The following IL1RAPL2 variants were observed in gnomAD, a reference collection of about 807,000 sequenced individuals.
IL1RAPL2 encodes the protein X-linked interleukin-1 receptor accessory protein-like 2.
IL1RAPL2 carries 3 observed loss-of-function variants against 44.1 expected under a neutral mutation model. That is an observed-to-expected ratio of 0.07 (90% CI 0.03 to 0.18). The LOEUF (loss-of-function observed/expected upper bound fraction) is 0.18, where lower values mean the gene tolerates loss of function less well. IL1RAPL2 is among the 10% of genes least tolerant of loss of function. The probability of loss-of-function intolerance (pLI) is 1.00; values close to 1 mark genes in which losing one functional copy is unlikely to be tolerated. For synonymous variants in IL1RAPL2, 181 were observed against 178.8 expected, an observed-to-expected ratio of 1.01 and a Z score of -0.10; for missense variants, 391 against 496.4, an observed-to-expected ratio of 0.79 and a Z score of 2.02.
intron 2 of IL1RAPL2, among the ~76,000 whole-genome samples, chrX:105,097,401 A>G (rs2032620102): frequency 1.8e-5 from 2 of 108,356 alleles, no homozygotes; most frequent in Non-Finnish European, 3.8e-5. Flanking sequence ...AAGCTAATTC[A>G]GACTGTGTGA....
chrX:105,275,596 G>C (rs189678755), intron 5 of IL1RAPL2, among the ~76,000 whole-genome samples: 1 of 111,858 alleles, frequency 8.9e-6, no homozygotes, highest in Non-Finnish European at 1.9e-5. Context: ...TTGGCTGAGT[G>C]CTTATTTGAT....
intron 3 of IL1RAPL2, among the ~76,000 whole-genome samples, chrX:105,218,073 T>C (rs2033883937): frequency 9.0e-6 from 1 of 110,681 alleles, no homozygotes; most frequent in Non-Finnish European, 1.9e-5. Context: ...GTAACAAACC[T>C]ACACGTTCTG....
At chrX:105,524,041 G>A (rs905706769) in intron 6 of IL1RAPL2, among the ~76,000 whole-genome samples, 3 of 111,678 alleles carry the variant, frequency 2.7e-5, no homozygotes, top group African/African-American at 9.7e-5. Context: ...GAACAGATTT[G>A]TATCTTGCTT....
chrX:105,267,566 C>T (rs763745652), intron 5 of IL1RAPL2, 25 bp downstream of exon 5: 72 of 1,118,983 alleles, frequency 6.4e-5, no homozygotes, highest in Non-Finnish European at 7.4e-5. Flanking sequence ...TACAAAATTA[C>T]GGCAAATGAG....
intron 6 of IL1RAPL2, among the ~76,000 whole-genome samples, chrX:105,710,692 C>T (rs1179830498): frequency 9.1e-6 from 1 of 109,877 alleles, no homozygotes; most frequent in Non-Finnish European, 1.9e-5. Context: ...TGTAAAACAA[C>T]ATCAAAGCTG....
chrX:105,480,079 T>C (rs1193818049), intron 5 of IL1RAPL2, among the ~76,000 whole-genome samples: 1 of 112,202 alleles, frequency 8.9e-6, no homozygotes, highest in Non-Finnish European at 1.9e-5. Context: ...TCCCACTTGG[T>C]CTTTCTGGCC....
intron 2 of IL1RAPL2, among the ~76,000 whole-genome samples, chrX:104,766,112 C>T (rs1932547914): frequency 8.9e-6 from 1 of 111,745 alleles, no homozygotes; most frequent in African/African-American, 3.3e-5. Flanking sequence ...CAGTTATTGG[C>T]TACCTAACTG....
chrX:105,351,804 T>C (rs1602371389), intron 5 of IL1RAPL2, among the ~76,000 whole-genome samples: 1 of 111,890 alleles, frequency 8.9e-6, no homozygotes. Context: ...TCTTGAACTT[T>C]GTTTTGAAAT....
intron 2 of IL1RAPL2, among the ~76,000 whole-genome samples, chrX:105,132,228 A>G (rs1478311289): frequency 1.8e-5 from 2 of 110,388 alleles, no homozygotes; most frequent in Admixed American, 1.9e-4. Flanking sequence ...GGCTTTAACA[A>G]TGCTCAGGTT....
intron 2 of IL1RAPL2, among the ~76,000 whole-genome samples, chrX:104,717,467 C>T (rs1355963548): frequency 9.9e-6 from 1 of 100,602 alleles, no homozygotes; most frequent in East Asian, 3.2e-4. Context: ...AAAAAAAGAA[C>T]ATTTTGATTC....
At chrX:105,277,111 C>T (rs945432812) in intron 5 of IL1RAPL2, among the ~76,000 whole-genome samples, 4 of 111,963 alleles carry the variant, frequency 3.6e-5, no homozygotes, top group African/African-American at 1.3e-4. Context: ...TGCCCTGAAG[C>T]GGTGTGATGT....
At chrX:105,294,027 T>C (rs2034636504) in intron 5 of IL1RAPL2, among the ~76,000 whole-genome samples, 1 of 112,478 alleles carries the variant, frequency 8.9e-6, no homozygotes, top group African/African-American at 3.2e-5. Flanking sequence ...TGATGTGCTG[T>C]TTCCTTTACC....
At chrX:105,160,477 A>G (rs776254374) in intron 2 of IL1RAPL2, among the ~76,000 whole-genome samples, 1 of 111,595 alleles carries the variant, frequency 9.0e-6, no homozygotes, top group Admixed American at 9.6e-5. Flanking sequence ...TGGACTTAGA[A>G]TTATGTGTAA....
intron 6 of IL1RAPL2, among the ~76,000 whole-genome samples, chrX:105,614,676 C>A (rs1181657471): frequency 5.4e-5 from 6 of 111,590 alleles, no homozygotes; most frequent in African/African-American, 2.0e-4. Flanking sequence ...ATACAAAAAT[C>A]AAATAAAACT....
At chrX:104,647,183 G>T (rs777603030) in intron 1 of IL1RAPL2, 3 of 314,150 alleles carry the variant, frequency 9.5e-6, no homozygotes, top group South Asian at 6.7e-5. Context: ...CTGCAGAGGT[G>T]CAGGCAGGGT....
At chrX:105,113,524 T>C (rs770110558) in intron 2 of IL1RAPL2, among the ~76,000 whole-genome samples, 1 of 112,030 alleles carries the variant, frequency 8.9e-6, no homozygotes, top group Non-Finnish European at 1.9e-5. Context: ...AGTAGCAAAA[T>C]GAGATTCTTT....
intron 1 of IL1RAPL2, among the ~76,000 whole-genome samples, chrX:104,587,005 T>C (rs772653610): frequency 7.2e-5 from 8 of 111,498 alleles, no homozygotes; most frequent in African/African-American, 2.0e-4. Context: ...AGCATCATTC[T>C]GGGATCTGTA....
intron 2 of IL1RAPL2, among the ~76,000 whole-genome samples, chrX:105,060,790 C>T (rs2032065673): frequency 9.1e-6 from 1 of 109,606 alleles, no homozygotes; most frequent in Non-Finnish European, 1.9e-5. Context: ...TTGTATGTGT[C>T]TAGAAATGTC....
intron 2 of IL1RAPL2, among the ~76,000 whole-genome samples, chrX:105,078,953 G>A (rs189114769): frequency 0.02 from 2,200 of 112,371 alleles, 53 homozygotes; most frequent in African/African-American, 0.067. Context: ...GACTAGGAAA[G>A]GGAATTCCCT....
Sources: gnomAD v4.1 joint callset for allele counts (sites outside exome capture counted in the v4.1 genomes callset) on GRCh38, gnomAD v4.1.1 for gene constraint, MANE v1.5 for transcripts, NCBI Gene and HGNC (gene_info 2026-07-23, HGNC 2026-07-21) for gene names.